TRAT1: variants seen among roughly 807,000 people sequenced by gnomAD.
TRAT1 encodes the protein T-cell receptor-associated transmembrane adapter 1.
Under a neutral mutation model 20.0 loss-of-function variants are expected in TRAT1, and 20 were observed. That is an observed-to-expected ratio of 1.00 (90% CI 0.70 to 1.45). TRAT1 has a LOEUF of 1.45. Among genes scored for constraint, TRAT1 ranks in the 40% most tolerant of loss-of-function variants. The pLI, the probability that TRAT1 is intolerant of heterozygous loss-of-function variation, is 0.00. For synonymous variants in TRAT1, 77 were observed against 74.2 expected (o/e 1.04, Z -0.20); for missense variants, 237 against 224.1 (o/e 1.06, Z -0.37).
At chr3:108,849,279 A>G (rs769485167) in intron 5 of TRAT1, 25 bp downstream of exon 5, 5 of 1,578,446 alleles carry the variant, frequency 3.2e-6, no homozygotes, top group Admixed American at 1.7e-5. Context: ...CTGTTTCCAC[A>G]TTTGCACATT....
At chr3:108,831,538 CTTT>C (rs779234270) in intron 2 of TRAT1, among the ~76,000 whole-genome samples, 15 of 132,086 alleles carry the variant, frequency 1.1e-4, no homozygotes, top group African/African-American at 1.7e-4. Context: ...TGGAAGGTAT[CTTT>C]TTTTTTTTTT....
intron 5 of TRAT1, among the ~76,000 whole-genome samples, chr3:108,850,019 C>T (rs1945983264): frequency 6.6e-6 from 1 of 152,194 alleles, no homozygotes; most frequent in Non-Finnish European, 1.5e-5. Context: ...CCAGCATTTC[C>T]TAAGCAATTT....
intron 1 of TRAT1, among the ~76,000 whole-genome samples, chr3:108,823,267 A>G (rs1385418497): frequency 6.6e-6 from 1 of 152,228 alleles, no homozygotes; most frequent in African/African-American, 2.4e-5. Context: ...TAGTTTAGCT[A>G]TTAAACAGGA....
In TRAT1 at chr3:108,853,799, G is replaced by A. The variant is rs1946021138; in HGVS notation, c.483G>A (p.Gln161=). The part of the protein sequence containing the change: ...TLVDSFSPES[Q]AVEENIHDDP... ...TAGACAGTTTCTCCCCAGAAAGCCA[G>A]GCAGTAGAGGAAAACATTCATGATG... Residue 161 remains glutamine (Q), a synonymous_variant, in exon 6 of 6, where the codon CAG becomes CAA. Transcript: ENST00000295756. 1.2e-6 allele frequency: 2 copies of A among 1,614,006 alleles called. No individual in the cohort carries two copies. Among genetic ancestry groups the A allele is most frequent in the Admixed American group, 3.3e-5 (2 of 60,000 alleles).
chr3:108,842,434 C>A (rs1945903557), intron 3 of TRAT1, among the ~76,000 whole-genome samples: 1 of 152,134 alleles, frequency 6.6e-6, no homozygotes, highest in Non-Finnish European at 1.5e-5. Context: ...CTCTTGGGTC[C>A]CCTTCCCTGA....
At chr3:108,844,348 C>T (rs1394417787) in intron 3 of TRAT1, among the ~76,000 whole-genome samples, 10 of 149,338 alleles carry the variant, frequency 6.7e-5, no homozygotes, top group Non-Finnish European at 1.0e-4. Flanking sequence ...GACGGAGTCT[C>T]GCTCTGACTC....
chr3:108,846,060 T>C (rs1299796528), intron 3 of TRAT1, among the ~76,000 whole-genome samples: 13 of 152,350 alleles, frequency 8.5e-5, no homozygotes, highest in South Asian at 2.1e-4. Flanking sequence ...GTATAGTCTC[T>C]AGACTGTTTC....
intron 5 of TRAT1, among the ~76,000 whole-genome samples, chr3:108,852,240 G>A (rs989460126): frequency 7.9e-5 from 12 of 152,198 alleles, no homozygotes; most frequent in African/African-American, 2.9e-4. Context: ...AATTAGCCAG[G>A]CGTGGTGGTG....
At chr3:108,851,121 A>T (rs1945994752) in intron 5 of TRAT1, among the ~76,000 whole-genome samples, 1 of 152,210 alleles carries the variant, frequency 6.6e-6, no homozygotes, top group Admixed American at 6.5e-5. Context: ...AAAAAACACT[A>T]CCTAGTTTGC....
intron 1 of TRAT1, among the ~76,000 whole-genome samples, chr3:108,824,712 T>C (rs1269854256): frequency 6.6e-6 from 1 of 152,232 alleles, no homozygotes; most frequent in Non-Finnish European, 1.5e-5. Flanking sequence ...ACAATTTTCA[T>C]ACCTCTCCTT....
At chr3:108,822,998 C>A in intron 1 of TRAT1, 64 bp downstream of exon 1, 1 of 1,435,332 alleles carries the variant, frequency 7.0e-7, no homozygotes, top group Non-Finnish European at 9.8e-7. Context: ...ATTTCTAAGT[C>A]CTAACGAGAA....
At chr3:108,839,487 CA>C (rs548339526) in intron 3 of TRAT1, among the ~76,000 whole-genome samples, 1 of 150,638 alleles carries the variant, frequency 6.6e-6, no homozygotes, top group African/African-American at 2.4e-5. Flanking sequence ...CAAAACAAAA[CA>C]AAAAAAAATT....
intron 4 of TRAT1, chr3:108,847,498 A>G (rs1267084842): frequency 5.4e-6 from 1 of 185,408 alleles, no homozygotes; most frequent in African/African-American, 2.4e-5. Flanking sequence ...TACAAAAGCA[A>G]ATGTACAGTG....
At chr3:108,835,500 T>C (rs1341859730) in intron 2 of TRAT1, among the ~76,000 whole-genome samples, 1 of 152,226 alleles carries the variant, frequency 6.6e-6, no homozygotes, top group African/African-American at 2.4e-5. Context: ...CTGGCTTTTA[T>C]TCTGAGCTGT....
Position 108,849,148 on chromosome 3 carries a change from AT to A in TRAT1, c.215-17del, listed in dbSNP as rs1362004038. ...TTTAAATTTTCTATTGTGAATCACAATCTTTTTAATTCCCAAGAACCAATGG... is the reference window on the plus strand; with the variant it reads ...TTTAAATTTTCTATTGTGAATCACAACTTTTTAATTCCCAAGAACCAATGG... On this transcript the variant is annotated splice_polypyrimidine_tract_variant and intron_variant, in intron 4 of 5. Transcript: ENST00000295756. The A allele has an allele frequency of 2.5e-6, 4 of 1,601,640 alleles. No homozygotes were observed. In the South Asian group the frequency reaches 4.5e-5, roughly 18 times the overall value.
intron 1 of TRAT1, among the ~76,000 whole-genome samples, chr3:108,829,124 A>T (rs1483577889): frequency 2.0e-5 from 3 of 152,218 alleles, no homozygotes; most frequent in African/African-American, 4.8e-5. Flanking sequence ...CCAAAGGTAA[A>T]TGATTACTGC....
At chr3:108,838,811 G>C in intron 2 of TRAT1, 123 bp from the exon 3 acceptor site, 1 of 776,794 alleles carries the variant, frequency 1.3e-6, no homozygotes, top group South Asian at 1.5e-5. Flanking sequence ...GAGGTGCCCT[G>C]AGAGCCTTGG....
rs550523496 is a variant in TRAT1, at chr3:108,845,975, G to A, written c.153-1093G>A. ...GGCTGGAAGGAACTTTAATCAGCTA[G>A]CAAGAGCAAATAGCTGTGTATTCTT... On this transcript the variant is annotated intron_variant, in intron 3 of 5. Transcript: ENST00000295756. Among the ~76,000 whole-genome samples, 3 of 152,296 alleles carry A rather than the reference G, an allele frequency of 2.0e-5. No individual in the cohort carries two copies. In the East Asian group the frequency reaches 5.8e-4, roughly 29 times the overall value.
intron 2 of TRAT1, among the ~76,000 whole-genome samples, chr3:108,836,926 G>A (rs1246232966): frequency 5.3e-5 from 8 of 152,034 alleles, no homozygotes; most frequent in Non-Finnish European, 1.2e-4. Context: ...TTTAATTCCA[G>A]GCAAATCTGC....
Sources: allele counts gnomAD v4.1 joint callset (sites outside exome capture counted in the v4.1 genomes callset), GRCh38; gene constraint gnomAD v4.1.1; transcripts MANE v1.5; gene names NCBI Gene and HGNC (gene_info 2026-07-23, HGNC 2026-07-21).